Variants in SLC35F4 observed in about 807,000 individuals in gnomAD.
SLC35F4 encodes solute carrier family 35 member F4, also known as chromosome 14 open reading frame 36.
Under a neutral mutation model 44.2 loss-of-function variants are expected in SLC35F4, and 24 were observed. That is an observed-to-expected ratio of 0.54 (90% confidence interval 0.39 to 0.76). The LOEUF is 0.76. Among genes scored for constraint, SLC35F4 ranks in the 30% least tolerant of loss-of-function variants. The pLI is 0.00. For missense variants in SLC35F4, 562 were observed against 586.1 expected (o/e 0.96, Z 0.42); for synonymous variants, 238 against 223.6 (o/e 1.06, Z -0.57).
intron 1 of SLC35F4, among the ~76,000 whole-genome samples, chr14:57,924,402 A>C (rs1013024873): frequency 2.6e-5 from 4 of 151,900 alleles, no homozygotes; most frequent in African/African-American, 9.7e-5. Flanking sequence ...AGAGAGAGAA[A>C]AGGGTGATGG....
At chr14:57,598,406 A>T (rs1280675419) in intron 1 of SLC35F4, among the ~76,000 whole-genome samples, 2 of 152,236 alleles carry the variant, frequency 1.3e-5, no homozygotes, top group Admixed American at 6.5e-5. Context: ...GGAGCTGAGA[A>T]TAAGGTGCCT....
intron 1 of SLC35F4, among the ~76,000 whole-genome samples, chr14:57,644,762 T>C (rs529741993): frequency 2.0e-4 from 30 of 152,344 alleles, no homozygotes; most frequent in African/African-American, 7.0e-4. Flanking sequence ...ATTTCTAACA[T>C]GTAACTCTTT....
chr14:57,665,949 AG>A (rs1490714569), intron 1 of SLC35F4, among the ~76,000 whole-genome samples: 2 of 152,296 alleles, frequency 1.3e-5, no homozygotes, highest in East Asian at 3.9e-4. Context: ...GGACACATAG[AG>A]GGGGAACAAC....
At position 57,571,899 on chromosome 14, in the gene SLC35F4, A is replaced by G; in HGVS notation, c.928T>C (p.Tyr310His). Residue 310 changes from tyrosine to histidine, a missense_variant, in exon 5 of 8, where the codon TAT becomes CAT. Coordinates refer to ENST00000556826, the MANE Select transcript of SLC35F4 (RefSeq NM_001306087.2). ...AAAGAAAGTGCACAACATACCTTAT[A>G]TAATGCAGATGTAGAGGCTGAGCCC... ...AVGSASTSAL[Y>H]KVLFKMFLGS... 2 of 1,612,292 alleles carry G rather than the reference A, an allele frequency of 1.2e-6. No homozygotes were observed. The highest frequency in any genetic ancestry group is 2.2e-5 in the South Asian group (2 of 90,716).
At chr14:57,731,542 G>A (rs1263640563) in intron 1 of SLC35F4, among the ~76,000 whole-genome samples, 1 of 152,128 alleles carries the variant, frequency 6.6e-6, no homozygotes, top group Non-Finnish European at 1.5e-5. Flanking sequence ...ACATATGGTT[G>A]TCTTCACTGG....
At chr14:57,647,466 C>T (rs145739804) in intron 1 of SLC35F4, among the ~76,000 whole-genome samples, 1 of 150,706 alleles carries the variant, frequency 6.6e-6, no homozygotes, top group East Asian at 2.0e-4. Flanking sequence ...TGGTGTCTTA[C>T]AATCACTGTT....
intron 1 of SLC35F4, among the ~76,000 whole-genome samples, chr14:57,719,716 A>G (rs1456303225): frequency 6.6e-6 from 1 of 152,076 alleles, no homozygotes; most frequent in Non-Finnish European, 1.5e-5. Context: ...TTTTGGTGGA[A>G]TCTTTATATT....
chr14:57,738,748 CATATAT>C (rs36212594), intron 1 of SLC35F4, among the ~76,000 whole-genome samples: 7,048 of 109,690 alleles, frequency 0.064, 286 homozygotes, highest in African/African-American at 0.082. Context: ...TTTGAATTTT[CATATAT>C]ATATATATAT....
At chr14:57,583,278 A>G (rs2069429489) in intron 3 of SLC35F4, among the ~76,000 whole-genome samples, 1 of 152,222 alleles carries the variant, frequency 6.6e-6, no homozygotes, top group Admixed American at 6.5e-5. Context: ...CATTTTCTGT[A>G]CTTATAAGGC....
chr14:57,880,097 GAA>G (rs1888500092), intron 1 of SLC35F4, among the ~76,000 whole-genome samples: 4 of 117,472 alleles, frequency 3.4e-5, no homozygotes, highest in Non-Finnish European at 5.5e-5. Flanking sequence ...AGGAAGGAAG[GAA>G]GGAAGGAAGG....
intron 1 of SLC35F4, among the ~76,000 whole-genome samples, chr14:57,787,243 C>A (rs967069375): frequency 4.6e-5 from 7 of 152,072 alleles, no homozygotes; most frequent in Admixed American, 3.9e-4. Context: ...ATGAACAAAG[C>A]CTCTAAGTAG....
intron 1 of SLC35F4, among the ~76,000 whole-genome samples, chr14:57,815,403 A>T (rs1882450308): frequency 6.6e-6 from 1 of 152,196 alleles, no homozygotes; most frequent in South Asian, 2.1e-4. Context: ...CTTCCCCTTG[A>T]TATTGGCAAA....
chr14:57,610,441 C>T (rs1299687657), intron 1 of SLC35F4, among the ~76,000 whole-genome samples: 1 of 152,104 alleles, frequency 6.6e-6, no homozygotes, highest in East Asian at 1.9e-4. Context: ...TCTGTGAAGG[C>T]AACTGTACCA....
chr14:57,709,812 G>A (rs1594852281), intron 1 of SLC35F4, among the ~76,000 whole-genome samples: 3 of 152,180 alleles, frequency 2.0e-5, no homozygotes, highest in Admixed American at 2.0e-4. Flanking sequence ...GGTGACTTGA[G>A]TGCTCTTAAA....
chr14:57,640,623 T>C (rs1957705), intron 1 of SLC35F4, among the ~76,000 whole-genome samples: 58,684 of 151,840 alleles, frequency 0.39, 12,693 homozygotes, highest in Non-Finnish European at 0.49. Flanking sequence ...CTCCATTTTA[T>C]GAATGAAAAC....
intron 1 of SLC35F4, among the ~76,000 whole-genome samples, chr14:57,707,994 C>A (rs751319673): frequency 2.6e-5 from 4 of 152,124 alleles, no homozygotes; most frequent in African/African-American, 9.7e-5. Context: ...TCCTAGGGAC[C>A]AGTCTGCCTC....
chr14:57,613,650 G>A (rs113467138), intron 1 of SLC35F4, among the ~76,000 whole-genome samples: 1 of 152,184 alleles, frequency 6.6e-6, no homozygotes, highest in African/African-American at 2.4e-5. Flanking sequence ...CTGATACATA[G>A]CTTCCAAAGA....
intron 1 of SLC35F4, among the ~76,000 whole-genome samples, chr14:57,914,939 C>A (rs765720332): frequency 6.6e-6 from 1 of 152,128 alleles, no homozygotes; most frequent in Admixed American, 6.5e-5. Flanking sequence ...CTGCAGCAAC[C>A]CTGCCCCTGC....
At chr14:57,699,433 A>G (rs1485629305) in intron 1 of SLC35F4, among the ~76,000 whole-genome samples, 7 of 152,196 alleles carry the variant, frequency 4.6e-5, no homozygotes, top group African/African-American at 1.7e-4. Flanking sequence ...CTGCTCAGCA[A>G]GTAAATACAA....
Sources: allele counts gnomAD v4.1 joint callset (sites outside exome capture counted in the v4.1 genomes callset), GRCh38; gene constraint gnomAD v4.1.1; transcripts MANE v1.5; gene names NCBI Gene and HGNC (gene_info 2026-07-23, HGNC 2026-07-21).